Variants in TTC27 observed in about 807,000 individuals in gnomAD.
The protein encoded by TTC27 is tetratricopeptide repeat protein 27.
A neutral mutation model predicts 115.9 loss-of-function variants in TTC27; 79 were observed. That is an observed-to-expected ratio of 0.68 (90% CI 0.57 to 0.82). The LOEUF (loss-of-function observed/expected upper bound fraction) is 0.82, where lower values mean the gene tolerates loss of function less well. Among genes scored for constraint, TTC27 ranks in the 40% least tolerant of loss-of-function variants. The pLI, the probability that TTC27 is intolerant of heterozygous loss-of-function variation, is 0.00. For synonymous variants in TTC27, 401 were observed against 356.0 expected, an observed-to-expected ratio of 1.13 and a Z score of -1.42; for missense variants, 1,054 against 993.1, an observed-to-expected ratio of 1.06 and a Z score of -0.82.
intron 9 of TTC27, among the ~76,000 whole-genome samples, chr2:32,697,133 A>C (rs1667014215): frequency 6.6e-6 from 1 of 152,014 alleles, no homozygotes; most frequent in South Asian, 2.1e-4. Flanking sequence ...TGAGGGTTGC[A>C]GTAAGCCGAG....
intron 16 of TTC27, among the ~76,000 whole-genome samples, chr2:32,796,000 A>C (rs1470507595): frequency 6.6e-6 from 1 of 152,192 alleles, no homozygotes; most frequent in African/African-American, 2.4e-5. Flanking sequence ...AAGACATCCA[A>C]ATTGGTAAGA....
In TTC27 at chr2:32,817,510, C is replaced by G; in HGVS notation, c.2362C>G (p.Leu788Val). Residue 788 changes from leucine (L) to valine (V), a missense_variant, in exon 19 of 20, where the codon CTT becomes GTT. Physicochemically the swap from Leu to Val is conservative, Grantham distance 32 (BLOSUM62 1). Coordinates refer to ENST00000317907, the MANE Select transcript of TTC27 (RefSeq NM_017735.5). ...KSSSQEAVQM[L>V]SSVRLNLRGL... ...CAGTTCCCAAGAAGCTGTACAAATG[C>G]TTTCTTCTGTTCGACTCAATTTACG... The G allele has an allele frequency of 6.2e-7, 1 of 1,614,098 alleles. No individual in the cohort carries two copies. Among genetic ancestry groups the G allele is most frequent in the Non-Finnish European group, 8.5e-7 (1 of 1,180,000 alleles).
At position 32,811,214 on chromosome 2, in the gene TTC27, A is replaced by T. The variant is rs1439219929; in HGVS notation, c.2189A>T (p.Asn730Ile). 1 of 1,613,362 alleles carries T rather than the reference A, an allele frequency of 6.2e-7. No homozygotes were observed. Among genetic ancestry groups the T allele is most frequent in the South Asian group, 1.1e-5 (1 of 90,916 alleles). The change falls in exon 17 of 20, where the codon AAT becomes ATT. Residue 730 changes from asparagine (N) to isoleucine (I), a missense_variant. Coordinates refer to ENST00000317907, the MANE Select transcript of TTC27 (RefSeq NM_017735.5). ...GGGCAGAGTGAAAAGCCTGATGAAA[A>T]TGAAAAGGCAAGTCCTTCATTCCTC... ...GNGQSEKPDE[N>I]EKAFQCLSKA... is the part of the protein sequence containing the mutation.
At chr2:32,641,118 C>G (rs571565387) in intron 4 of TTC27, among the ~76,000 whole-genome samples, 37 of 152,262 alleles carry the variant, frequency 2.4e-4, no homozygotes, top group African/African-American at 7.5e-4. Flanking sequence ...TTTTCTGGCT[C>G]ACATTCTATG....
At chr2:32,815,893 C>A (rs1176235220) in intron 18 of TTC27, among the ~76,000 whole-genome samples, 3 of 152,146 alleles carry the variant, frequency 2.0e-5, no homozygotes, top group African/African-American at 7.2e-5. Context: ...ATTATTATTC[C>A]TCATTATTAC....
At chr2:32,650,023 A>G in intron 4 of TTC27, 108 bp from the exon 5 acceptor site, 1 of 866,004 alleles carries the variant, frequency 1.2e-6, no homozygotes, top group Non-Finnish European at 1.8e-6. Context: ...CTTATTGAGG[A>G]ATAAATTTAA....
At chr2:32,756,904 G>T (rs1669252385) in intron 12 of TTC27, among the ~76,000 whole-genome samples, 1 of 152,190 alleles carries the variant, frequency 6.6e-6, no homozygotes, top group Non-Finnish European at 1.5e-5. Context: ...ATGGTGGTGG[G>T]AGGAAGTTGA....
chr2:32,820,796 CTTTG>C lies in TTC27; in HGVS notation c.2410-16_2410-13del. 1 of 1,513,224 alleles carries C rather than the reference CTTTG, an allele frequency of 6.6e-7. No homozygotes were observed. Among genetic ancestry groups the C allele is most frequent in the Non-Finnish European group, 8.9e-7 (1 of 1,125,424 alleles). 93.7% of individuals were successfully genotyped at this position (1,513,224 alleles called of 1,614,324 possible). Reference sequence around the variant, plus strand: ...AATTTGTGTTGTTTTAATACTTCTGCTTTGTTTTTTATATTACAGCAACTTTTTA... The same window carrying C: ...AATTTGTGTTGTTTTAATACTTCTGCTTTTTTATATTACAGCAACTTTTTA... On this transcript the variant is annotated splice_polypyrimidine_tract_variant and intron_variant, in intron 19 of 19. Coordinates refer to ENST00000317907, the MANE Select transcript of TTC27 (RefSeq NM_017735.5).
At chr2:32,813,123 TA>T (rs1372768903) in intron 18 of TTC27, among the ~76,000 whole-genome samples, 1 of 152,366 alleles carries the variant, frequency 6.6e-6, no homozygotes, top group East Asian at 1.9e-4. Flanking sequence ...GCCTGTTGGG[TA>T]AATATAGTCC....
At chr2:32,802,688 A>T (rs1224374886) in intron 16 of TTC27, among the ~76,000 whole-genome samples, 1 of 151,998 alleles carries the variant, frequency 6.6e-6, no homozygotes. Flanking sequence ...ACTTCTTATC[A>T]CACCAGCTGC....
chr2:32,806,071 C>T (rs753233998), intron 16 of TTC27, among the ~76,000 whole-genome samples: 1 of 152,248 alleles, frequency 6.6e-6, no homozygotes, highest in South Asian at 2.1e-4. Context: ...GTCCTGTTTC[C>T]CCAAGAGTCA....
At chr2:32,634,196 A>C (rs976567971) in intron 3 of TTC27, among the ~76,000 whole-genome samples, 191 bp downstream of exon 3, 1 of 152,122 alleles carries the variant, frequency 6.6e-6, no homozygotes, top group African/African-American at 2.4e-5. Context: ...ACTCCTCTTC[A>C]TACACACTCC....
Position 32,811,169 on chromosome 2 carries a change from A to C in TTC27, c.2144A>C (p.Tyr715Ser), listed in dbSNP as rs1197648924. 5.0e-6 allele frequency: 8 copies of C among 1,614,200 alleles called. No homozygotes were observed. Among genetic ancestry groups the C allele is most frequent in the Non-Finnish European group, 6.8e-6 (8 of 1,180,020 alleles). Residue 715 changes from tyrosine (Y) to serine (S), a missense_variant, in exon 17 of 20, where the codon TAT becomes TCT. By Grantham distance (144) the Tyr-to-Ser change is moderately radical (BLOSUM62 -2). Transcript: ENST00000317907. ...VTNDGEIWRL[Y>S]AHVYGNGQSE... Reference sequence around the variant, plus strand: ...AATGATGGAGAAATCTGGAGGCTGTATGCCCACGTATATGGAAATGGGCAG... The same window carrying C: ...AATGATGGAGAAATCTGGAGGCTGTCTGCCCACGTATATGGAAATGGGCAG...
At chr2:32,629,667 C>G (rs1270531939) in intron 1 of TTC27, among the ~76,000 whole-genome samples, 2 of 148,594 alleles carry the variant, frequency 1.3e-5, no homozygotes, top group African/African-American at 5.0e-5. Context: ...TCTCGATCTC[C>G]TGACGTCGTG....
At chr2:32,787,833 C>T (rs1322988429) in intron 16 of TTC27, among the ~76,000 whole-genome samples, 2 of 134,596 alleles carry the variant, frequency 1.5e-5, no homozygotes, top group Non-Finnish European at 3.2e-5. Context: ...AATAAATAAA[C>T]AAAACTGAAT....
At chr2:32,788,545 T>C (rs914050585) in intron 16 of TTC27, among the ~76,000 whole-genome samples, 4 of 152,332 alleles carry the variant, frequency 2.6e-5, no homozygotes, top group Non-Finnish European at 5.9e-5. Flanking sequence ...CCTTGGTCAG[T>C]CTGATCCTGT....
At chr2:32,662,657 C>T (rs1035742114) in intron 5 of TTC27, among the ~76,000 whole-genome samples, 6 of 152,100 alleles carry the variant, frequency 3.9e-5, no homozygotes, top group African/African-American at 1.2e-4. Flanking sequence ...ATTCTTCTCT[C>T]TTTTCTTCTT....
intron 12 of TTC27, among the ~76,000 whole-genome samples, chr2:32,741,526 C>A (rs933034959): frequency 1.1e-4 from 17 of 151,294 alleles, no homozygotes; most frequent in African/African-American, 3.6e-4. Flanking sequence ...GTGGCATGTG[C>A]CTGTAGTCCC....
chr2:32,649,431 G>A (rs1664996430), intron 4 of TTC27, among the ~76,000 whole-genome samples: 1 of 151,772 alleles, frequency 6.6e-6, no homozygotes, highest in African/African-American at 2.4e-5. Flanking sequence ...TAATGTGCTG[G>A]AAGTTCAGGT....
Sources: allele counts gnomAD v4.1 joint callset (sites outside exome capture counted in the v4.1 genomes callset), GRCh38; gene constraint gnomAD v4.1.1; transcripts MANE v1.5; gene names NCBI Gene and HGNC (gene_info 2026-07-23, HGNC 2026-07-21).